WDR70: variants seen among roughly 807,000 people sequenced by gnomAD.
WDR70 encodes WD repeat domain 70.
In WDR70, 53 loss-of-function variants were observed where a neutral mutation model predicts 88.6. That is an observed-to-expected ratio of 0.60 (90% confidence interval 0.48 to 0.75). The LOEUF is 0.75. Among genes scored for constraint, WDR70 ranks in the 30% least tolerant of loss-of-function variants. The pLI is 0.00. For synonymous variants in WDR70, 280 were observed against 270.0 expected, an observed-to-expected ratio of 1.04 and a Z score of -0.36; for missense variants, 610 against 823.2, an observed-to-expected ratio of 0.74 and a Z score of 3.17.
At chr5:37,745,863 C>G (rs1748623403) in intron 17 of WDR70, among the ~76,000 whole-genome samples, 1 of 151,926 alleles carries the variant, frequency 6.6e-6, no homozygotes, top group African/African-American at 2.4e-5. Flanking sequence ...AGTGTTAGAT[C>G]AACGAGACAG....
chr5:37,396,258 T>A, intron 4 of WDR70, 117 bp from the exon 5 acceptor site: 1 of 1,351,082 alleles, frequency 7.4e-7, no homozygotes, highest in East Asian at 2.5e-5. Context: ...TTTAAAAAAA[T>A]TAAAAAATAC....
chr5:37,513,811 C>A lies in WDR70; in HGVS notation c.841-2703C>A, dbSNP rs117638301. Among the ~76,000 whole-genome samples, 607 of 152,162 alleles carry A rather than the reference C, an allele frequency of 4.0e-3. 26 individuals are homozygous for A. In the East Asian group the frequency reaches 0.091, roughly 23 times the overall value. On this transcript the variant is annotated intron_variant, in intron 8 of 17. Coordinates refer to ENST00000265107, the MANE Select transcript of WDR70 (RefSeq NM_018034.4). ...AGCTGGCAGCTGATCAGATTGTGCC[C>A]ACCCAGAGTAAGGGTGGGTCTGCCT...
chr5:37,737,631 G>A (rs1051318430), intron 17 of WDR70, among the ~76,000 whole-genome samples: 1 of 152,172 alleles, frequency 6.6e-6, no homozygotes, highest in African/African-American at 2.4e-5. Flanking sequence ...AATAGAAATT[G>A]TGGCACACAG....
At chr5:37,711,860 A>T (rs1445336019) in intron 13 of WDR70, among the ~76,000 whole-genome samples, 2 of 151,266 alleles carry the variant, frequency 1.3e-5, no homozygotes, top group African/African-American at 4.9e-5. Flanking sequence ...CTTTTATTAC[A>T]TTTTATTCTA....
At chr5:37,397,879 G>C (rs1240269999) in intron 5 of WDR70, among the ~76,000 whole-genome samples, 2 of 151,078 alleles carry the variant, frequency 1.3e-5, no homozygotes, top group African/African-American at 2.4e-5. Flanking sequence ...GCCTGTAGTC[G>C]CAGCTACTCG....
In WDR70 at chr5:37,701,044, C is replaced by T. The variant is rs754780722; in HGVS notation, c.1193-14C>T. The T allele has an allele frequency of 3.8e-6, 6 of 1,564,530 alleles. No individual in the cohort carries two copies. Among genetic ancestry groups the T allele is most frequent in the Non-Finnish European group, 4.4e-6 (5 of 1,137,448 alleles). Reference sequence around the variant, plus strand: ...CACTTTTCTGTCTTTTTTTTCCCCTCATTCCTCTGTCAGGTGACGATTCAT... The same window carrying T: ...CACTTTTCTGTCTTTTTTTTCCCCTTATTCCTCTGTCAGGTGACGATTCAT... On this transcript the variant is annotated splice_polypyrimidine_tract_variant and intron_variant, in intron 11 of 17. Transcript: ENST00000265107.
At chr5:37,478,439 G>T (rs1739553605) in intron 7 of WDR70, among the ~76,000 whole-genome samples, 1 of 152,150 alleles carries the variant, frequency 6.6e-6, no homozygotes, top group Non-Finnish European at 1.5e-5. Context: ...AACTTCATAG[G>T]ACCACTTTTG....
chr5:37,564,400 G>A (rs1017474500), intron 9 of WDR70, among the ~76,000 whole-genome samples: 11 of 152,274 alleles, frequency 7.2e-5, no homozygotes, highest in South Asian at 2.1e-4. Context: ...GGCGGCTTGC[G>A]CCTGCAATCG....
At chr5:37,390,490 C>T (rs1024527245) in intron 3 of WDR70, among the ~76,000 whole-genome samples, 2 of 151,870 alleles carry the variant, frequency 1.3e-5, no homozygotes, top group Non-Finnish European at 2.9e-5. Context: ...CAGGCGCCGG[C>T]CACTACGCCT....
intron 9 of WDR70, among the ~76,000 whole-genome samples, chr5:37,598,021 AT>A (rs1043743377): frequency 1.3e-5 from 2 of 151,238 alleles, no homozygotes; most frequent in Non-Finnish European, 3.0e-5. Context: ...CTCAAAGTTG[AT>A]TTTTTTTTGC....
At chr5:37,600,650 G>A (rs888526502) in intron 9 of WDR70, among the ~76,000 whole-genome samples, 4 of 151,766 alleles carry the variant, frequency 2.6e-5, no homozygotes, top group African/African-American at 4.8e-5. Context: ...ATAAGCACAC[G>A]AAAAGATGCT....
intron 10 of WDR70, among the ~76,000 whole-genome samples, chr5:37,693,884 C>T (rs1746895603): frequency 6.6e-6 from 1 of 152,190 alleles, no homozygotes; most frequent in Admixed American, 6.5e-5. Flanking sequence ...AGCTTCTGCA[C>T]AGCAAAAGAA....
chr5:37,642,496 G>A (rs1327696380), intron 10 of WDR70, among the ~76,000 whole-genome samples: 2 of 152,226 alleles, frequency 1.3e-5, no homozygotes, highest in East Asian at 3.9e-4. Flanking sequence ...TCACATCAGG[G>A]TAAATGGGAT....
intron 5 of WDR70, among the ~76,000 whole-genome samples, chr5:37,405,445 GT>G (rs1299595158): frequency 6.6e-6 from 1 of 151,710 alleles, no homozygotes; most frequent in African/African-American, 2.4e-5. Flanking sequence ...TGCCTCCCAG[GT>G]TCAAGCGATT....
At chr5:37,598,978 C>G (rs1056811552) in intron 9 of WDR70, among the ~76,000 whole-genome samples, 13 of 152,148 alleles carry the variant, frequency 8.5e-5, no homozygotes, top group Admixed American at 5.2e-4. Context: ...TCTGAACTTT[C>G]TGGCATCTGC....
chr5:37,682,379 A>C (rs1345759306), intron 10 of WDR70, among the ~76,000 whole-genome samples: 1 of 151,692 alleles, frequency 6.6e-6, no homozygotes, highest in Non-Finnish European at 1.5e-5. Context: ...CAACTCTTAG[A>C]TTCATTGATC....
At chr5:37,449,743 A>G (rs1021404763) in intron 7 of WDR70, among the ~76,000 whole-genome samples, 4 of 151,554 alleles carry the variant, frequency 2.6e-5, no homozygotes, top group Admixed American at 6.6e-5. Context: ...TAGGTTCTTT[A>G]TTATTATTAT....
intron 10 of WDR70, among the ~76,000 whole-genome samples, chr5:37,630,911 TG>T (rs1319236762): frequency 6.6e-6 from 1 of 152,212 alleles, no homozygotes; most frequent in Non-Finnish European, 1.5e-5. Flanking sequence ...CATGAATTCC[TG>T]GCATTTCTCC....
chr5:37,516,802 A>G (rs1304300407), intron 9 of WDR70, among the ~76,000 whole-genome samples: 7 of 150,020 alleles, frequency 4.7e-5, no homozygotes, highest in Non-Finnish European at 1.0e-4. Context: ...GCTCACTGCA[A>G]CCTCCAGCTC....
Sources: allele counts gnomAD v4.1 joint callset (sites outside exome capture counted in the v4.1 genomes callset), GRCh38; gene constraint gnomAD v4.1.1; transcripts MANE v1.5; gene names NCBI Gene and HGNC (gene_info 2026-07-23, HGNC 2026-07-21).